MIER1: variants seen among roughly 807,000 people sequenced by gnomAD.
MIER1 encodes mesoderm induction early response protein 1.
A neutral mutation model predicts 75.7 loss-of-function variants in MIER1; 40 were observed. The ratio of observed to expected loss-of-function variants is 0.53; its 90% confidence interval spans 0.41 to 0.69. The LOEUF (loss-of-function observed/expected upper bound fraction) is 0.69. Among genes scored for constraint, MIER1 ranks in the 30% least tolerant of loss-of-function variants. The pLI is 0.00. For missense variants in MIER1, 574 were observed against 680.2 expected (o/e 0.84, Z 1.74); for synonymous variants, 213 against 223.4 (o/e 0.95, Z 0.42).
chr1:66,944,848 C>T (rs1264571833), intron 3 of MIER1, among the ~76,000 whole-genome samples: 1 of 151,964 alleles, frequency 6.6e-6, no homozygotes, highest in Non-Finnish European at 1.5e-5. Flanking sequence ...GCCTTAGCCT[C>T]CTGAGTAGCT....
intron 8 of MIER1, among the ~76,000 whole-genome samples, chr1:66,969,524 A>C (rs532207843): frequency 8.0e-6 from 1 of 124,924 alleles, no homozygotes; most frequent in African/African-American, 3.3e-5. Context: ...CAGCCTGGGC[A>C]ACAGAGCAAG....
At position 66,987,463 on chromosome 1, in the gene MIER1, A is replaced by C. The variant is rs1011841898; in HGVS notation, c.*2563A>C. ...TTTTCTGTTTCATGATGTATTTTCAAATAGAGTTCAGGATCTGCAATTCAG... is the reference window on the plus strand; with the variant it reads ...TTTTCTGTTTCATGATGTATTTTCACATAGAGTTCAGGATCTGCAATTCAG... On this transcript the variant is annotated 3_prime_UTR_variant, in exon 14 of 14. Coordinates refer to ENST00000401041, the MANE Select transcript of MIER1 (RefSeq NM_001077700.3). 12 of 152,688 alleles carry C rather than the reference A, an allele frequency of 7.9e-5. No homozygotes were observed. Among genetic ancestry groups the C allele is most frequent in the African/African-American group, 2.7e-4 (11 of 41,452 alleles). 9.5% of individuals were successfully genotyped at this position (152,688 alleles called of 1,614,324 possible). A position where few individuals can be genotyped will look rare whatever the true frequency, so the allele number is the denominator to read the frequency against.
At chr1:66,937,744 G>A (rs181457424) in intron 2 of MIER1, among the ~76,000 whole-genome samples, 2 of 152,068 alleles carry the variant, frequency 1.3e-5, no homozygotes, top group Admixed American at 1.3e-4. Context: ...CATCATTTTT[G>A]ATAATTAGCT....
At chr1:66,937,736 T>C (rs571316223) in intron 2 of MIER1, among the ~76,000 whole-genome samples, 3 of 152,356 alleles carry the variant, frequency 2.0e-5, no homozygotes, top group African/African-American at 7.2e-5. Context: ...TGAAAGATCA[T>C]CATTTTTGAT....
chr1:66,928,928 G>A, intron 2 of MIER1: 1 of 1,609,426 alleles, frequency 6.2e-7, no homozygotes, highest in Non-Finnish European at 8.5e-7. Context: ...TTGGTTTACA[G>A]ACTGTCTGTG....
At chr1:66,938,817 A>C (rs17443885) in intron 2 of MIER1, among the ~76,000 whole-genome samples, 2,951 of 152,280 alleles carry the variant, frequency 0.019, 48 homozygotes, top group Non-Finnish European at 0.028. Flanking sequence ...GAATTATTCT[A>C]AGAATTTAAC....
intron 8 of MIER1, among the ~76,000 whole-genome samples, chr1:66,968,206 G>T (rs1013497153): frequency 3.3e-5 from 5 of 152,158 alleles, no homozygotes; most frequent in African/African-American, 1.2e-4. Flanking sequence ...AGGGATCGCT[G>T]TGGTAAAGGG....
At chr1:66,978,286 A>AAGG (rs1558114226) in intron 12 of MIER1, among the ~76,000 whole-genome samples, 1 of 151,554 alleles carries the variant, frequency 6.6e-6, no homozygotes, top group African/African-American at 2.4e-5. Flanking sequence ...AAGTTCATTT[A>AAGG]TAGGTAGGTA....
intron 2 of MIER1, chr1:66,929,008 C>A: frequency 8.7e-7 from 1 of 1,153,250 alleles, no homozygotes; most frequent in Non-Finnish European, 1.3e-6. Context: ...TCTGTAAATG[C>A]AGTTTATTCA....
At chr1:66,929,715 G>A (rs1159859484) in intron 2 of MIER1, among the ~76,000 whole-genome samples, 2 of 152,140 alleles carry the variant, frequency 1.3e-5, no homozygotes, top group African/African-American at 4.8e-5. Flanking sequence ...TGAGGATGGC[G>A]GACTGCCTAT....
At chr1:66,978,407 G>A (rs528220697) in intron 12 of MIER1, among the ~76,000 whole-genome samples, 5 of 152,144 alleles carry the variant, frequency 3.3e-5, no homozygotes, top group Non-Finnish European at 7.3e-5. Flanking sequence ...GGACAATGGA[G>A]TGTGTACATC....
At chr1:66,962,220 G>T (rs1349864069) in intron 7 of MIER1, among the ~76,000 whole-genome samples, 1 of 152,174 alleles carries the variant, frequency 6.6e-6, no homozygotes, top group African/African-American at 2.4e-5. Flanking sequence ...TGACTGTATA[G>T]ATATGATTAC....
intron 11 of MIER1, among the ~76,000 whole-genome samples, chr1:66,976,032 G>A (rs111241793): frequency 0.073 from 11,139 of 152,020 alleles, 503 homozygotes; most frequent in African/African-American, 0.13. Context: ...CTGTCACCCA[G>A]GTGGGAGTGC....
intron 2 of MIER1, chr1:66,929,084 C>T: frequency 1.4e-6 from 1 of 693,566 alleles, no homozygotes; most frequent in East Asian, 2.7e-5. Context: ...TAGGAAAATG[C>T]TTGATAGAGT....
intron 8 of MIER1, among the ~76,000 whole-genome samples, chr1:66,968,690 C>T (rs1334621969): frequency 6.6e-6 from 1 of 152,202 alleles, no homozygotes; most frequent in African/African-American, 2.4e-5. Context: ...GTTATAATAA[C>T]ATTCCAGGCA....
chr1:66,961,824 G>T (rs574038476), intron 7 of MIER1, among the ~76,000 whole-genome samples: 8 of 152,190 alleles, frequency 5.3e-5, no homozygotes, highest in Non-Finnish European at 1.0e-4. Flanking sequence ...GAATTCCATT[G>T]TAAGGGTAGA....
intron 7 of MIER1, among the ~76,000 whole-genome samples, chr1:66,961,632 G>T (rs1661274056): frequency 6.6e-6 from 1 of 152,086 alleles, no homozygotes; most frequent in South Asian, 2.1e-4. Flanking sequence ...TGACTACCAG[G>T]GCCTTCATTC....
chr1:66,971,181 CT>C (rs1343144038), intron 9 of MIER1, among the ~76,000 whole-genome samples: 1 of 152,090 alleles, frequency 6.6e-6, no homozygotes, highest in African/African-American at 2.4e-5. Context: ...CCTGTATATA[CT>C]TTTCATTAGG....
At chr1:66,972,864 T>C (rs754248727) in intron 10 of MIER1, 33 bp from the exon 11 acceptor site, 1 of 1,131,230 alleles carries the variant, frequency 8.8e-7, no homozygotes, top group Non-Finnish European at 1.3e-6. Context: ...TGGGGGAATA[T>C]TGCTTAACAG....
Sources: allele counts gnomAD v4.1 joint callset (sites outside exome capture counted in the v4.1 genomes callset), GRCh38; gene constraint gnomAD v4.1.1; transcripts MANE v1.5; gene names NCBI Gene and HGNC (gene_info 2026-07-23, HGNC 2026-07-21).